DPP6: variants seen among roughly 807,000 people sequenced by gnomAD.
DPP6 encodes the protein dipeptidyl peptidase like 6, also known as A-type potassium channel modulatory protein DPP6.
A neutral mutation model predicts 122.6 loss-of-function variants in DPP6; 69 were observed. The observed-to-expected ratio is 0.56, with a 90% CI of 0.46 to 0.69. DPP6 has a LOEUF of 0.69. DPP6 is among the 30% of genes least tolerant of loss of function. The pLI is 0.00. For synonymous variants in DPP6, 418 were observed against 433.1 expected (o/e 0.97, Z 0.43); for missense variants, 928 against 1,116.9 (o/e 0.83, Z 2.41).
At chr7:153,888,134 G>A (rs1799020904) in intron 1 of DPP6, among the ~76,000 whole-genome samples, 1 of 152,044 alleles carries the variant, frequency 6.6e-6, no homozygotes. Flanking sequence ...CTGGGCCCTG[G>A]CGCCCGCGCC....
At chr7:153,912,264 T>C (rs897525912) in intron 1 of DPP6, among the ~76,000 whole-genome samples, 1 of 152,164 alleles carries the variant, frequency 6.6e-6, no homozygotes, top group Non-Finnish European at 1.5e-5. Context: ...TACTGAAACA[T>C]TGAAACATAT....
chr7:153,871,711 G>C, the DPP6 span, among the ~76,000 whole-genome samples: 1 of 152,170 alleles, frequency 6.6e-6, no homozygotes, highest in Non-Finnish European at 1.5e-5. Context: ...ACCTCAGTTG[G>C]AAATGCAGAA....
At chr7:153,964,940 T>TTTTCTTTCTTTCTCTC (rs1795596214) in intron 1 of DPP6, among the ~76,000 whole-genome samples, 3 of 86,724 alleles carry the variant, frequency 3.5e-5, no homozygotes, top group African/African-American at 1.8e-4. Context: ...CTTTCTTTCT[T>TTTTCTTTCTTTCTCTC]TTTCTTTCTT....
At chr7:154,840,339 A>G (rs1801421812) in intron 16 of DPP6, among the ~76,000 whole-genome samples, 1 of 152,224 alleles carries the variant, frequency 6.6e-6, no homozygotes. Flanking sequence ...CAGGGGCTAA[A>G]GAGGAGGATG....
intron 1 of DPP6, among the ~76,000 whole-genome samples, chr7:154,036,176 T>G (rs1799517105): frequency 6.6e-6 from 1 of 151,418 alleles, no homozygotes; most frequent in South Asian, 2.1e-4. Flanking sequence ...GTGGGTGTGA[T>G]CTCAGTGTAC....
chr7:153,916,705 C>G (rs1251485575), intron 1 of DPP6, among the ~76,000 whole-genome samples: 1 of 152,058 alleles, frequency 6.6e-6, no homozygotes, highest in Non-Finnish European at 1.5e-5. Context: ...CTGCACCCGG[C>G]CTTCTTTTTT....
chr7:154,071,117 G>A (rs945314308), intron 1 of DPP6, among the ~76,000 whole-genome samples: 9 of 152,144 alleles, frequency 5.9e-5, no homozygotes, highest in Admixed American at 2.6e-4. Flanking sequence ...CAAACAAAAC[G>A]TCTCAATCAG....
intron 8 of DPP6, among the ~76,000 whole-genome samples, chr7:154,758,843 G>A (rs1795323354): frequency 6.6e-6 from 1 of 152,188 alleles, no homozygotes; most frequent in Admixed American, 6.5e-5. Flanking sequence ...TTTTACAGTA[G>A]AAGAAAGGCA....
intron 1 of DPP6, among the ~76,000 whole-genome samples, chr7:154,415,263 G>A (rs921821862): frequency 6.6e-6 from 1 of 152,126 alleles, no homozygotes; most frequent in African/African-American, 2.4e-5. Flanking sequence ...AATCACTCAA[G>A]GTTCCAGCTC....
intron 1 of DPP6, among the ~76,000 whole-genome samples, chr7:153,972,103 G>A (rs1190007255): frequency 6.6e-6 from 1 of 151,218 alleles, no homozygotes; most frequent in African/African-American, 2.4e-5. Flanking sequence ...CCTTTATGCT[G>A]AGAAACAGAA....
chr7:154,540,581 T>C lies in DPP6; in HGVS notation c.507T>C (p.Asn169=). The change falls in exon 4 of 26, where the codon AAT becomes AAC. Residue 169 remains asparagine (N), a synonymous_variant. Coordinates refer to ENST00000377770, the MANE Select transcript of DPP6 (RefSeq NM_130797.4). ...AGAAAGGAACAGTGAGACTGTGGAATGTTGAAACAAATACTTCTACTGTCT... is the reference window on the plus strand; with the variant it reads ...AGAAAGGAACAGTGAGACTGTGGAACGTTGAAACAAATACTTCTACTGTCT... The part of the protein sequence containing the change: ...REQKGTVRLW[N]VETNTSTVLI... 6.2e-7 allele frequency: 1 copy of C among 1,607,558 alleles called. No individual in the cohort carries two copies. The highest frequency in any genetic ancestry group is 8.5e-7 in the Non-Finnish European group (1 of 1,177,336).
rs1798735826 is a variant in DPP6, at chr7:154,806,985, C to T, written c.1548-9C>T. The T allele has an allele frequency of 6.2e-7, 1 of 1,613,330 alleles. No individual in the cohort carries two copies. Among genetic ancestry groups the T allele is most frequent in the African/African-American group, 1.3e-5 (1 of 74,946 alleles). On this transcript the variant is annotated splice_polypyrimidine_tract_variant and intron_variant, in intron 15 of 25. Coordinates refer to ENST00000377770, the MANE Select transcript of DPP6 (RefSeq NM_130797.4). ...CCCACATTCACACCTGCGTCCTTTG[C>T]TCTTCCAGTGCCAACACGGTGGGCA...
chr7:154,736,930 C>A (rs949336149), intron 8 of DPP6, among the ~76,000 whole-genome samples: 1 of 152,192 alleles, frequency 6.6e-6, no homozygotes, highest in African/African-American at 2.4e-5. Flanking sequence ...CAGAAAAACA[C>A]CTGATTAACA....
the DPP6 span, among the ~76,000 whole-genome samples, chr7:153,848,021 G>A: frequency 9.2e-5 from 14 of 152,082 alleles, no homozygotes; most frequent in Non-Finnish European, 1.6e-4. Context: ...GGCCCAACCC[G>A]CAGACACTGG....
the DPP6 span, among the ~76,000 whole-genome samples, chr7:153,797,804 A>G: frequency 1.3e-5 from 2 of 152,114 alleles, no homozygotes; most frequent in East Asian, 3.9e-4. Context: ...CTCATAAGGT[A>G]GAGAGAGGGA....
At chr7:153,781,977 T>C in the DPP6 span, among the ~76,000 whole-genome samples, 5 of 89,790 alleles carry the variant, frequency 5.6e-5, no homozygotes, top group Non-Finnish European at 9.5e-5. Flanking sequence ...CCCCAGAGAA[T>C]ACACACACAC....
At chr7:153,976,984 C>T (rs555819204) in intron 1 of DPP6, among the ~76,000 whole-genome samples, 1 of 152,352 alleles carries the variant, frequency 6.6e-6, no homozygotes, top group African/African-American at 2.4e-5. Context: ...GGATAGCACC[C>T]TCTGCTCTGC....
intron 1 of DPP6, among the ~76,000 whole-genome samples, chr7:154,070,720 T>C (rs980039244): frequency 4.6e-5 from 7 of 152,160 alleles, no homozygotes; most frequent in African/African-American, 1.4e-4. Context: ...AAAATTTAAA[T>C]TAGCACAGAT....
intron 1 of DPP6, among the ~76,000 whole-genome samples, chr7:154,367,960 C>A (rs1380470689): frequency 1.3e-5 from 2 of 152,150 alleles, no homozygotes; most frequent in South Asian, 4.1e-4. Flanking sequence ...GCACCTGCCA[C>A]CACGCCCAAC....
Sources: gnomAD v4.1 joint callset for allele counts (sites outside exome capture counted in the v4.1 genomes callset) on GRCh38, gnomAD v4.1.1 for gene constraint, MANE v1.5 for transcripts, NCBI Gene and HGNC (gene_info 2026-07-23, HGNC 2026-07-21) for gene names.